PTPRG: variants seen among roughly 807,000 people sequenced by gnomAD.
PTPRG encodes receptor-type tyrosine-protein phosphatase gamma.
A neutral mutation model predicts 165.3 loss-of-function variants in PTPRG; 102 were observed. The observed-to-expected ratio is 0.62, with a 90% CI of 0.53 to 0.73. PTPRG has a LOEUF of 0.73. PTPRG is among the 30% of genes least tolerant of loss of function. The pLI is 0.00. For missense variants in PTPRG, 1,866 were observed against 1,861.4 expected, an observed-to-expected ratio of 1.00 and a Z score of -0.05; for synonymous variants, 675 against 669.5, an observed-to-expected ratio of 1.01 and a Z score of -0.13.
In PTPRG at chr3:62,213,832, T is replaced by A. The variant is rs2106871258; in HGVS notation, c.2156-5019T>A. Among the ~76,000 whole-genome samples, 1 of 152,314 alleles carries A rather than the reference T, an allele frequency of 6.6e-6. No individual in the cohort carries two copies. The highest frequency in any genetic ancestry group is 2.1e-4 in the South Asian group (1 of 4,824). On this transcript the variant is annotated intron_variant, in intron 12 of 29. Coordinates refer to ENST00000474889, the MANE Select transcript of PTPRG (RefSeq NM_002841.4). This position sits in a 1 kb window ranked among gnomAD's most constrained non-coding sequence, Gnocchi z 4.4. Reference sequence around the variant, plus strand: ...TGTGTGTTGTAGTAGTCCTAGCAGCTTGCTGTTTTATTAGGGCCACAAATT... The same window carrying A: ...TGTGTGTTGTAGTAGTCCTAGCAGCATGCTGTTTTATTAGGGCCACAAATT...
intron 3 of PTPRG, among the ~76,000 whole-genome samples, chr3:61,992,837 T>C (rs1300526407): frequency 6.6e-6 from 1 of 151,866 alleles, no homozygotes; most frequent in East Asian, 1.9e-4. Context: ...CGGCTAATTT[T>C]TGTATTTTTA....
intron 2 of PTPRG, among the ~76,000 whole-genome samples, chr3:61,786,200 G>T (rs1284473385): frequency 2.6e-5 from 4 of 152,198 alleles, no homozygotes; most frequent in African/African-American, 9.6e-5. Context: ...GCCTGTTATG[G>T]TGGTTGTTCA....
intron 1 of PTPRG, among the ~76,000 whole-genome samples, chr3:61,584,759 A>T (rs1700392429): frequency 6.6e-6 from 1 of 152,076 alleles, no homozygotes; most frequent in Admixed American, 6.6e-5. Flanking sequence ...TCACAGCTCC[A>T]TTGAGTTTGT....
chr3:61,914,081 G>A (rs1481705066), intron 2 of PTPRG, among the ~76,000 whole-genome samples: 1 of 152,190 alleles, frequency 6.6e-6, no homozygotes, highest in Non-Finnish European at 1.5e-5. Flanking sequence ...CCATCTGAGT[G>A]GAAACCTTGG....
intron 2 of PTPRG, among the ~76,000 whole-genome samples, chr3:61,968,215 G>T (rs2040311758): frequency 6.6e-6 from 1 of 152,120 alleles, no homozygotes; most frequent in South Asian, 2.1e-4. Context: ...GTCAAGTGTG[G>T]TGTGATGGTT....
At chr3:61,937,332 T>C (rs1254272628) in intron 2 of PTPRG, among the ~76,000 whole-genome samples, 1 of 152,194 alleles carries the variant, frequency 6.6e-6, no homozygotes, top group Non-Finnish European at 1.5e-5. Flanking sequence ...TTCACTGCTG[T>C]CGCAAAGTGT....
At chr3:62,067,141 A>C (rs1175229256) in intron 4 of PTPRG, among the ~76,000 whole-genome samples, 2 of 151,974 alleles carry the variant, frequency 1.3e-5, no homozygotes, top group East Asian at 3.8e-4. Flanking sequence ...TGTGAAAGGG[A>C]AAGAAAAACA....
rs140562858 is a variant in PTPRG, at chr3:62,200,538, G to C, written c.1328-967G>C. ...CCTGCCTCAGCCTCCCAAAGTGCTA[G>C]GATTACAGGCTTGAGCCACTGTGCC... On this transcript the variant is annotated intron_variant, in intron 10 of 29. Transcript: ENST00000474889. Among the ~76,000 whole-genome samples, 1,336 of 152,242 alleles carry C rather than the reference G, an allele frequency of 8.8e-3. 14 individuals are homozygous for C. Among genetic ancestry groups the C allele is most frequent in the African/African-American group, 0.031 (1,277 of 41,532 alleles).
At chr3:62,080,193 G>C (rs1239586209) in intron 5 of PTPRG, among the ~76,000 whole-genome samples, 1 of 150,904 alleles carries the variant, frequency 6.6e-6, no homozygotes, top group East Asian at 1.9e-4. Context: ...TCAGCCTCCT[G>C]AGTAGCTGGG....
chr3:61,915,631 C>T (rs1028606017), intron 2 of PTPRG, among the ~76,000 whole-genome samples: 1 of 152,156 alleles, frequency 6.6e-6, no homozygotes, highest in Admixed American at 6.5e-5. Flanking sequence ...TTAAGCCTTG[C>T]TGAATGAGGC....
chr3:61,985,209 A>T (rs1370532619), intron 2 of PTPRG, among the ~76,000 whole-genome samples: 2 of 152,216 alleles, frequency 1.3e-5, no homozygotes, highest in Non-Finnish European at 2.9e-5. Context: ...GAGTAAGATG[A>T]CCACAGGCTA....
chr3:62,167,630 T>G (rs566617724), intron 7 of PTPRG, among the ~76,000 whole-genome samples: 1 of 152,302 alleles, frequency 6.6e-6, no homozygotes, highest in East Asian at 1.9e-4. Flanking sequence ...CGTGACCCTA[T>G]GTTTCTTGCT....
At chr3:61,664,393 C>G (rs777725425) in intron 1 of PTPRG, among the ~76,000 whole-genome samples, 47 of 152,292 alleles carry the variant, frequency 3.1e-4, no homozygotes, top group African/African-American at 1.1e-3. Flanking sequence ...AATCCTCAGT[C>G]CAAGAGCATG....
intron 1 of PTPRG, among the ~76,000 whole-genome samples, chr3:61,613,038 C>T (rs1433011507): frequency 6.6e-6 from 1 of 152,154 alleles, no homozygotes; most frequent in African/African-American, 2.4e-5. Context: ...ACCAATAGCG[C>T]AGCAGAGTGG....
chr3:62,192,403 T>TCCG (rs1699856104), intron 9 of PTPRG, among the ~76,000 whole-genome samples: 3 of 110,990 alleles, frequency 2.7e-5, no homozygotes, highest in Admixed American at 9.0e-5. Flanking sequence ...CTTTTTTTTT[T>TCCG]TTTTTTTTTT....
intron 5 of PTPRG, among the ~76,000 whole-genome samples, chr3:62,101,077 A>G (rs1159546644): frequency 6.6e-6 from 1 of 152,224 alleles, no homozygotes; most frequent in African/African-American, 2.4e-5. Context: ...TAAATGATTG[A>G]GGGTTTGCTT....
intron 4 of PTPRG, among the ~76,000 whole-genome samples, chr3:62,049,138 C>G (rs1700391144): frequency 6.6e-6 from 1 of 151,802 alleles, no homozygotes; most frequent in East Asian, 1.9e-4. Flanking sequence ...AAAACAGAAG[C>G]CGGGGAGAAA....
intron 2 of PTPRG, among the ~76,000 whole-genome samples, chr3:61,871,610 T>G (rs1227985420): frequency 6.6e-6 from 1 of 152,198 alleles, no homozygotes; most frequent in African/African-American, 2.4e-5. Context: ...TGATGTAGTA[T>G]GACAAAATCT....
At chr3:62,171,115 G>T (rs193131229) in intron 8 of PTPRG, among the ~76,000 whole-genome samples, 1 of 152,242 alleles carries the variant, frequency 6.6e-6, no homozygotes, top group Non-Finnish European at 1.5e-5. Context: ...TTGTTCTTCT[G>T]TATTGCTAAA....
Sources: allele counts gnomAD v4.1 joint callset (sites outside exome capture counted in the v4.1 genomes callset), GRCh38; gene constraint gnomAD v4.1.1; non-coding constraint Gnocchi (gnomAD v3.1); transcripts MANE v1.5; gene names NCBI Gene and HGNC (gene_info 2026-07-23, HGNC 2026-07-21).